Variants in CAMK1G observed in about 807,000 individuals in gnomAD.
CAMK1G encodes the protein calcium/calmodulin dependent protein kinase IG.
In CAMK1G, 27 loss-of-function variants were observed where a neutral mutation model predicts 54.8. The observed-to-expected ratio is 0.49, with a 90% confidence interval of 0.36 to 0.68. CAMK1G has a LOEUF of 0.68. Among genes scored for constraint, CAMK1G ranks in the 30% least tolerant of loss-of-function variants. The pLI, the probability that CAMK1G is intolerant of heterozygous loss-of-function variation, is 0.00. For missense variants in CAMK1G, 512 were observed against 591.0 expected (o/e 0.87, Z 1.39); for synonymous variants, 238 against 224.9 (o/e 1.06, Z -0.52).
At chr1:209,593,273 T>C (rs754455959) in intron 1 of CAMK1G, among the ~76,000 whole-genome samples, 3 of 152,218 alleles carry the variant, frequency 2.0e-5, no homozygotes, top group Non-Finnish European at 4.4e-5. Context: ...AGGCTATTAT[T>C]AATACAAGAC....
At chr1:209,594,300 T>A (rs1238643996) in intron 1 of CAMK1G, among the ~76,000 whole-genome samples, 1 of 152,198 alleles carries the variant, frequency 6.6e-6, no homozygotes, top group African/African-American at 2.4e-5. Flanking sequence ...AGGGCCAGCA[T>A]CTGTGTTGTT....
chr1:209,605,875 T>C (rs1480353723), intron 5 of CAMK1G, among the ~76,000 whole-genome samples: 1 of 152,200 alleles, frequency 6.6e-6, no homozygotes. Flanking sequence ...CCTGAAACTT[T>C]CACTATGCCT....
chr1:209,602,254 C>G (rs1293951337), intron 3 of CAMK1G, among the ~76,000 whole-genome samples: 1 of 152,168 alleles, frequency 6.6e-6, no homozygotes, highest in East Asian at 1.9e-4. Context: ...TAGATGCCAG[C>G]AGCACCTTCC....
chr1:209,602,822 C>A (rs1665562059), intron 3 of CAMK1G, among the ~76,000 whole-genome samples: 1 of 152,146 alleles, frequency 6.6e-6, no homozygotes, highest in Non-Finnish European at 1.5e-5. Flanking sequence ...GGATACTCAA[C>A]CTGTACTTTT....
Position 209,611,812 on chromosome 1 carries a change from T to C in CAMK1G, c.936T>C (p.Ala312=). Residue 312 remains alanine (A), a synonymous_variant, in exon 11 of 13, where the codon GCT becomes GCC. Transcript: ENST00000361322. ...CTTAGCAAGCCTTCAACGCAGCAGC[T>C]GTGGTGCACCACATGAGGAAGCTAC... ...SKWRQAFNAA[A]VVHHMRKLHM... 3.1e-6 allele frequency: 5 copies of C among 1,614,062 alleles called. No individual in the cohort carries two copies. Among genetic ancestry groups the C allele is most frequent in the Non-Finnish European group, 8.5e-7 (1 of 1,180,014 alleles).
intron 2 of CAMK1G, among the ~76,000 whole-genome samples, chr1:209,598,024 A>C (rs1665430783): frequency 6.6e-6 from 1 of 152,238 alleles, no homozygotes; most frequent in Non-Finnish European, 1.5e-5. Flanking sequence ...CCCACATTTC[A>C]GATGAGGAAA....
At chr1:209,598,032 A>G (rs1665430923) in intron 2 of CAMK1G, among the ~76,000 whole-genome samples, 2 of 152,240 alleles carry the variant, frequency 1.3e-5, no homozygotes. Context: ...TCAGATGAGG[A>G]AACTGGGAAT....
rs946064515 is a variant in CAMK1G at position 209,594,826 on chromosome 1, G to T, written c.-29-129G>T. The T allele has an allele frequency of 2.5e-5, 15 of 588,712 alleles. No homozygotes were observed. The East Asian group carries it at 2.7e-4, about 10-fold the overall frequency. The allele number at this position is 588,712 out of a possible 1,614,324, so 36.5% of individuals were successfully genotyped here. On this transcript the variant is annotated intron_variant, in intron 1 of 12. Coordinates refer to ENST00000361322, the MANE Select transcript of CAMK1G (RefSeq NM_020439.3). ...AGTTTCACTTTTTCCAGTTATCCAGGTTTGCTCCTAATCCTTCCTTCTGAT... is the reference window on the plus strand; with the variant it reads ...AGTTTCACTTTTTCCAGTTATCCAGTTTTGCTCCTAATCCTTCCTTCTGAT...
chr1:209,612,608 G>A (rs984807366), intron 11 of CAMK1G, among the ~76,000 whole-genome samples, 177 bp from the exon 12 acceptor site: 4 of 152,216 alleles, frequency 2.6e-5, no homozygotes, highest in African/African-American at 9.6e-5. Context: ...TTTGCAGAAG[G>A]AAGTGTAGGG....
intron 2 of CAMK1G, among the ~76,000 whole-genome samples, chr1:209,597,340 C>T (rs1239195665): frequency 6.6e-6 from 1 of 152,148 alleles, no homozygotes; most frequent in African/African-American, 2.4e-5. Flanking sequence ...TTTCTGTGGT[C>T]TCTTAATATG....
At chr1:209,608,428 A>G (rs1471773512) in intron 7 of CAMK1G, among the ~76,000 whole-genome samples, 1 of 151,894 alleles carries the variant, frequency 6.6e-6, no homozygotes, top group East Asian at 1.9e-4. Flanking sequence ...TAACCTGCCC[A>G]TCACCTCTTC....
At chr1:209,593,714 C>T (rs1292403969) in intron 1 of CAMK1G, among the ~76,000 whole-genome samples, 1 of 100,082 alleles carries the variant, frequency 1.0e-5, no homozygotes, top group Non-Finnish European at 2.6e-5. Context: ...TCATTCTCTC[C>T]TTCACTCCCA....
chr1:209,607,990 C>A (rs1316580099), intron 7 of CAMK1G, 57 bp downstream of exon 7: 1 of 1,367,206 alleles, frequency 7.3e-7, no homozygotes, highest in Non-Finnish European at 1.0e-6. Context: ...CTGCTTACCC[C>A]TTCTCGTTCC....
intron 2 of CAMK1G, among the ~76,000 whole-genome samples, chr1:209,599,011 T>C (rs569506967): frequency 4.5e-4 from 69 of 152,262 alleles, no homozygotes; most frequent in African/African-American, 1.6e-3. Context: ...CAGTTCAGCA[T>C]GGCTGAGGTG....
At chr1:209,594,838 T>G (rs1041912790) in intron 1 of CAMK1G, 117 bp from the exon 2 acceptor site, 1 of 617,782 alleles carries the variant, frequency 1.6e-6, no homozygotes, top group African/African-American at 1.9e-5. Flanking sequence ...TTGCTCCTAA[T>G]CCTTCCTTCT....
chr1:209,612,036 G>C lies in CAMK1G; in HGVS notation c.1160G>C (p.Arg387Thr). The C allele has an allele frequency of 6.2e-7, 1 of 1,614,228 alleles. No individual in the cohort carries two copies. The highest frequency in any genetic ancestry group is 8.5e-7 in the Non-Finnish European group (1 of 1,180,044). ...HGRRPTAPGG[R>T]SLNCLVNGSL... is the part of the protein sequence containing the mutation. ...CGCCGGCCCACTGCCCCTGGTGGCA[G>C]GTCCCTCAACTGCCTGGTCAATGGC... Residue 387 changes from arginine to threonine, a missense_variant, in exon 11 of 13, where the codon AGG becomes ACG. Around this residue, in one of 3 missense-constraint regions of CAMK1G, gnomAD observed 315 missense variants for 330.5 expected, o/e 0.95. Transcript: ENST00000361322.
intron 3 of CAMK1G, among the ~76,000 whole-genome samples, chr1:209,602,398 T>A (rs1231459994): frequency 2.0e-5 from 3 of 152,210 alleles, no homozygotes; most frequent in African/African-American, 7.2e-5. Flanking sequence ...GCATCTACCT[T>A]GCTTCTCGCA....
chr1:209,605,664 G>A lies in CAMK1G; in HGVS notation c.425G>A (p.Arg142Lys), dbSNP rs1374744917. ...CTACATGAGAATGGCATCGTCCACA[G>A]AGACTTAAAGGTGTCAAGGCGGGAG... Reference protein sequence around the residue: ...KYLHENGIVHRDLKPENLLYL... With the variant: ...KYLHENGIVHKDLKPENLLYL... The change falls in exon 5 of 13, where the codon AGA becomes AAA. Residue 142 changes from arginine to lysine, a missense_variant. Physicochemically the swap from Arg to Lys is conservative, Grantham distance 26. Around this residue, in one of 3 missense-constraint regions of CAMK1G, gnomAD observed 186 missense variants for 231.5 expected, o/e 0.80. Coordinates refer to ENST00000361322, the MANE Select transcript of CAMK1G (RefSeq NM_020439.3). 2 of 1,613,528 alleles carry A rather than the reference G, an allele frequency of 1.2e-6. No individual in the cohort carries two copies. Among genetic ancestry groups the A allele is most frequent in the Non-Finnish European group, 1.7e-6 (2 of 1,179,904 alleles).
At chr1:209,605,719 A>T (rs1238341225) in intron 5 of CAMK1G, 45 bp downstream of exon 5, 1 of 1,584,752 alleles carries the variant, frequency 6.3e-7, no homozygotes, top group East Asian at 2.2e-5. Context: ...AATGACCCTT[A>T]AGGAAGCTGC....
Sources: allele counts gnomAD v4.1 joint callset (sites outside exome capture counted in the v4.1 genomes callset), GRCh38; gene constraint gnomAD v4.1.1; regional missense constraint gnomAD v4.1.1; transcripts MANE v1.5; gene names NCBI Gene and HGNC (gene_info 2026-07-23, HGNC 2026-07-21).